The following ZNF527 variants were observed in gnomAD, a reference collection of about 807,000 sequenced individuals.
The protein encoded by ZNF527 is zinc finger protein 527.
Under a neutral mutation model 13.5 loss-of-function variants are expected in ZNF527, and 5 were observed. That is an observed-to-expected ratio of 0.37 (90% CI 0.19 to 0.78). The LOEUF (loss-of-function observed/expected upper bound fraction) is 0.78, where lower values mean the gene tolerates loss of function less well. Ranked by LOEUF, ZNF527 falls within the 30% of genes least tolerant of loss-of-function variation. The pLI, the probability that ZNF527 is intolerant of heterozygous loss-of-function variation, is 0.48. For missense variants in ZNF527, 628 were observed against 726.4 expected (o/e 0.86, Z 1.56); for synonymous variants, 209 against 243.1 (o/e 0.86, Z 1.30).
At chr19:37,375,266 CTTT>C in intron 2 of ZNF527, among the ~76,000 whole-genome samples, 1 of 120,574 alleles carries the variant, frequency 8.3e-6, no homozygotes, top group East Asian at 2.4e-4. Context: ...TTCTTTCTTT[CTTT>C]CTTTCTTTCT....
rs1290572866 is a variant in ZNF527 at position 37,388,901 on chromosome 19, C to T, written c.852C>T (p.Ser284=). 1.9e-6 allele frequency: 3 copies of T among 1,614,186 alleles called. No homozygotes were observed. The highest frequency in any genetic ancestry group is 1.7e-6 in the Non-Finnish European group (2 of 1,180,024). The part of the protein sequence containing the change: ...HGYDECGDAF[S]CYSFFTQPQR... ...ACGATGAATGTGGTGATGCCTTTAG[C>T]TGTTACTCATTCTTTACTCAACCTC... The change falls in exon 5 of 5, where the codon AGC becomes AGT. Residue 284 remains serine, a synonymous_variant. Transcript: ENST00000436120.
chr19:37,384,039 G>T (rs1337879508), intron 4 of ZNF527, among the ~76,000 whole-genome samples: 1 of 151,874 alleles, frequency 6.6e-6, no homozygotes, highest in African/African-American at 2.4e-5. Flanking sequence ...GCACTTTCAG[G>T]CTGGGTGTGG....
At chr19:37,375,353 CTTTCT>C (rs1568691687) in intron 2 of ZNF527, among the ~76,000 whole-genome samples, 4 of 119,868 alleles carry the variant, frequency 3.3e-5, no homozygotes, top group Admixed American at 2.7e-4. Context: ...TCTTTCCTTT[CTTTCT>C]TTTCTTTTCT....
rs1284336526 is a variant in ZNF527 at position 37,392,406 on chromosome 19, T to C, written c.*2527T>C. The C allele has an allele frequency of 6.6e-6, 1 of 152,154 alleles. No homozygotes were observed. Among genetic ancestry groups the C allele is most frequent in the Non-Finnish European group, 1.5e-5 (1 of 68,030 alleles). The allele number at this position is 152,154 out of a possible 1,614,324, so 9.4% of individuals were successfully genotyped here. On this transcript the variant is annotated 3_prime_UTR_variant, in exon 5 of 5. Transcript: ENST00000436120. ...TTTTTATTTTATTTATTTATTTTTT[T>C]TGAGACAGGGTCTCACTCTGTTATC...
intron 4 of ZNF527, among the ~76,000 whole-genome samples, chr19:37,387,463 T>C (rs2040709505): frequency 6.6e-6 from 1 of 152,230 alleles, no homozygotes; most frequent in African/African-American, 2.4e-5. Context: ...TTACAAAAGG[T>C]AGAAAGACCT....
chr19:37,389,307 G>A lies in ZNF527; in HGVS notation c.1258G>A (p.Gly420Arg), dbSNP rs1413421874. The change falls in exon 5 of 5, where the codon GGA becomes AGA. Residue 420 changes from glycine to arginine, a missense_variant. Physicochemically the swap from Gly to Arg is moderately radical, Grantham distance 125. Coordinates refer to ENST00000436120, the MANE Select transcript of ZNF527 (RefSeq NM_032453.2). ...GEKPYECNQC[G>R]KAFSRRIALT... ...GAAACCCTATGAATGTAATCAGTGT[G>A]GAAAAGCCTTCAGCAGACGCATAGC... 2.5e-6 allele frequency: 4 copies of A among 1,614,130 alleles called. No individual in the cohort carries two copies. In the East Asian group the frequency reaches 6.7e-5, roughly 27 times the overall value.
At chr19:37,388,018 T>C (rs1302695024) in intron 4 of ZNF527, among the ~76,000 whole-genome samples, 1 of 152,166 alleles carries the variant, frequency 6.6e-6, no homozygotes, top group Non-Finnish European at 1.5e-5. Context: ...CAACTCCTTA[T>C]CTTGTTAGCA....
intron 4 of ZNF527, chr19:37,385,295 T>C (rs1559229): frequency 0.22 from 95,763 of 427,546 alleles, 13,214 homozygotes; most frequent in African/African-American, 0.48. Flanking sequence ...AATTCATTCC[T>C]TTCAACCAGA....
In ZNF527 at chr19:37,387,110, A is replaced by G. The variant is rs1012028189; in HGVS notation, c.257-1196A>G. 3.3e-5 allele frequency among the ~76,000 whole-genome samples: 5 copies of G among 152,356 alleles called. No individual in the cohort carries two copies. The East Asian group carries it at 7.7e-4, about 24-fold the overall frequency. ...TTCCTTTTCAATTTTGTTCTGACCT[A>G]TACTGGAGACAGCTTTACTTTTCAA... is the stretch of plus-strand genomic sequence containing the variant. On this transcript the variant is annotated intron_variant, in intron 4 of 4. Coordinates refer to ENST00000436120, the MANE Select transcript of ZNF527 (RefSeq NM_032453.2).
chr19:37,384,250 G>A (rs146985713), intron 4 of ZNF527, among the ~76,000 whole-genome samples: 1 of 152,292 alleles, frequency 6.6e-6, no homozygotes, highest in East Asian at 1.9e-4. Context: ...CCTGGGAGGT[G>A]GAGGTCGCAG....
At chr19:37,374,051 G>T in intron 1 of ZNF527, 107 bp from the exon 2 acceptor site, 1 of 735,552 alleles carries the variant, frequency 1.4e-6, no homozygotes, top group Non-Finnish European at 2.4e-6. Flanking sequence ...AAAAGGTGAG[G>T]CTGGCCCATG....
intron 2 of ZNF527, 60 bp downstream of exon 2, chr19:37,374,291 AC>A: frequency 6.4e-7 from 1 of 1,564,412 alleles, no homozygotes; most frequent in Non-Finnish European, 8.8e-7. Context: ...GGACTTTGGG[AC>A]CACAGGGAAA....
Position 37,388,953 on chromosome 19 carries a change from T to C in ZNF527, c.904T>C (p.Tyr302His). The C allele has an allele frequency of 8.3e-7, 1 of 1,203,910 alleles. No individual in the cohort carries two copies. The highest frequency in any genetic ancestry group is 1.2e-6 in the Non-Finnish European group (1 of 846,630). 74.6% of individuals were successfully genotyped at this position (1,203,910 alleles called of 1,614,324 possible). The part of the protein sequence containing the change: ...PQRIHSGEKP[Y>H]ACNDCGKAFS... ...GAGAATTCACAGTGGAGAAAAACCA[T>C]ATGCATGCAATGACTGTGGAAAAGC... The change falls in exon 5 of 5, where the codon TAT (tyrosine) becomes CAT (histidine). Residue 302 changes from tyrosine to histidine, a missense_variant. Around this residue, in one of 3 missense-constraint regions of ZNF527, gnomAD observed 592 missense variants for 678.0 expected, o/e 0.87. Coordinates refer to ENST00000436120, the MANE Select transcript of ZNF527 (RefSeq NM_032453.2).
intron 2 of ZNF527, 41 bp downstream of exon 2, chr19:37,374,272 C>A (rs762665265): frequency 3.7e-6 from 6 of 1,609,500 alleles, no homozygotes; most frequent in South Asian, 1.1e-5. Context: ...CATTTGACCT[C>A]ATTTTTCAGG....
chr19:37,388,772 T>A lies in ZNF527; in HGVS notation c.723T>A (p.Pro241=). ...TTAGTAAAGATATAGGAATTCCTCC[T>A]GGGGAGAAACCTTATGAAAGTCATG... ...TYLSKDIGIP[P]GEKPYESHDF... The change falls in exon 5 of 5, where the codon CCT becomes CCA. Residue 241 remains proline, a synonymous_variant. Transcript: ENST00000436120. The A allele has an allele frequency of 6.2e-7, 1 of 1,613,070 alleles. No individual in the cohort carries two copies. The highest frequency in any genetic ancestry group is 8.5e-7 in the Non-Finnish European group (1 of 1,179,822).
At chr19:37,379,321 GGACATCTTAA>G in intron 3 of ZNF527, 75 bp downstream of exon 3, 2 of 1,464,784 alleles carry the variant, frequency 1.4e-6, no homozygotes, top group South Asian at 1.5e-5. Flanking sequence ...AGAATATCTA[GGACATCTTAA>G]GACATCTTAA....
intron 2 of ZNF527, among the ~76,000 whole-genome samples, 170 bp downstream of exon 2, chr19:37,374,401 T>C (rs2040583229): frequency 6.6e-6 from 1 of 152,206 alleles, no homozygotes; most frequent in Non-Finnish European, 1.5e-5. Context: ...TAGTCAGTGT[T>C]ATGCTCAAAT....
intron 2 of ZNF527, among the ~76,000 whole-genome samples, chr19:37,374,747 G>A (rs563631057): frequency 9.2e-5 from 14 of 152,332 alleles, no homozygotes; most frequent in East Asian, 3.9e-4. Context: ...ACCAAATTAC[G>A]TAGGCCCTTT....
chr19:37,380,945 C>T (rs2040649071), intron 4 of ZNF527, among the ~76,000 whole-genome samples: 1 of 152,038 alleles, frequency 6.6e-6, no homozygotes, highest in Non-Finnish European at 1.5e-5. Flanking sequence ...TCAGGGTGAG[C>T]CCTTATTCGG....
Sources: gnomAD v4.1 joint callset for allele counts (sites outside exome capture counted in the v4.1 genomes callset) on GRCh38, gnomAD v4.1.1 for gene constraint, gnomAD v4.1.1 regional missense constraint, MANE v1.5 for transcripts, NCBI Gene and HGNC (gene_info 2026-07-23, HGNC 2026-07-21) for gene names.